The following SLC5A3 variants were observed in gnomAD, a reference collection of about 807,000 sequenced individuals.
SLC5A3 encodes the protein sodium/myo-inositol cotransporter.
Under a neutral mutation model 43.2 loss-of-function variants are expected in SLC5A3, and 10 were observed. The ratio of observed to expected loss-of-function variants is 0.23; its 90% CI spans 0.14 to 0.39. SLC5A3 has a LOEUF of 0.39. Among genes scored for constraint, SLC5A3 ranks in the 10% least tolerant of loss-of-function variants. SLC5A3 has a pLI of 1.00. For synonymous variants in SLC5A3, 349 were observed against 322.0 expected (o/e 1.08, Z -0.90); for missense variants, 608 against 893.4 (o/e 0.68, Z 4.07).
rs1017155772 is a variant in SLC5A3, at chr21:34,096,143, C to T, written c.945C>T (p.Val315=). 27 of 1,613,964 alleles carry T rather than the reference C, an allele frequency of 1.7e-5. No homozygotes were observed. In the Admixed American group the frequency reaches 4.3e-4, roughly 26 times the overall value. The part of the protein sequence containing the change: ...LKLLPMFIIV[V]PGMISRILFT... The stretch of plus-strand genomic sequence containing the variant: ...TCCTGCCAATGTTTATCATAGTTGT[C>T]CCAGGAATGATTTCCAGGATACTGT... Residue 315 remains valine (V), a synonymous_variant, in exon 2 of 2, where the codon GTC becomes GTT. Transcript: ENST00000381151. This position sits in a 1 kb window ranked among gnomAD's most constrained non-coding sequence, Gnocchi z 5.9.
chr21:34,104,260 C>A lies in SLC5A3; in HGVS notation c.*6905C>A. The A allele has an allele frequency of 1.0e-6, 1 of 1,000,090 alleles. No homozygotes were observed. Among genetic ancestry groups the A allele is most frequent in the Non-Finnish European group, 1.2e-6 (1 of 829,890 alleles). 62.0% of individuals were successfully genotyped at this position (1,000,090 alleles called of 1,614,324 possible). On this transcript the variant is annotated 3_prime_UTR_variant, in exon 2 of 2. Transcript: ENST00000381151. Reference sequence around the variant, plus strand: ...TTTTCACAATGGGGTGGAGAGGATTCTTTCACTTGTCCCATTAACCCTCTT... The same window carrying A: ...TTTTCACAATGGGGTGGAGAGGATTATTTCACTTGTCCCATTAACCCTCTT...
Position 34,105,809 on chromosome 21 carries a change from G to GA in SLC5A3, c.*8457dup. The GA allele has an allele frequency of 5.0e-6, 5 of 996,722 alleles. No homozygotes were observed. The highest frequency in any genetic ancestry group is 6.0e-6 in the Non-Finnish European group (5 of 826,962). 61.7% of individuals were successfully genotyped at this position (996,722 alleles called of 1,614,324 possible). On this transcript the variant is annotated 3_prime_UTR_variant, in exon 2 of 2. Transcript: ENST00000381151. Reference sequence around the variant, plus strand: ...TTGTACAGTGTTTTAGTTGCAAGCAGAAAGTAGAATTTGGTATAAAGCAGG... The same window carrying GA: ...TTGTACAGTGTTTTAGTTGCAAGCAGAAAAGTAGAATTTGGTATAAAGCAGG...
At position 34,104,648 on chromosome 21, in the gene SLC5A3, A is replaced by G. The variant is rs1297899605; in HGVS notation, c.*7293A>G. 2.0e-6 allele frequency: 2 copies of G among 1,000,192 alleles called. No homozygotes were observed. The highest frequency in any genetic ancestry group is 1.7e-5 in the African/African-American group (1 of 57,246). 62.0% of individuals were successfully genotyped at this position (1,000,192 alleles called of 1,614,324 possible). A position where few individuals can be genotyped will look rare whatever the true frequency, so the allele number is the denominator to read the frequency against. ...TATTCTTGCCAGCAAAAAGCTAGCC[A>G]GGAATGAGCCTACCACATTATTTGA... On this transcript the variant is annotated 3_prime_UTR_variant, in exon 2 of 2. Transcript: ENST00000381151.
At chr21:34,074,716 A>G (rs911975194) in intron 1 of SLC5A3, among the ~76,000 whole-genome samples, 6 of 152,212 alleles carry the variant, frequency 3.9e-5, no homozygotes, top group Admixed American at 3.3e-4. Context: ...AAATCATTGT[A>G]CCACGTCCGA....
chr21:34,105,012 C>G lies in SLC5A3; in HGVS notation c.*7657C>G. 1.0e-6 allele frequency: 1 copy of G among 1,000,120 alleles called. No individual in the cohort carries two copies. Among genetic ancestry groups the G allele is most frequent in the Non-Finnish European group, 1.2e-6 (1 of 829,882 alleles). The allele number at this position is 1,000,120 out of a possible 1,614,324, so 62.0% of individuals were successfully genotyped here. On this transcript the variant is annotated 3_prime_UTR_variant, in exon 2 of 2. Coordinates refer to ENST00000381151, the MANE Select transcript of SLC5A3 (RefSeq NM_006933.7). ...GTTTTCTAATTTCACTGTGAGATCT[C>G]TAACTTTTGAGTGGCAAACAGATCA...
In SLC5A3 at chr21:34,096,788, C is replaced by A; in HGVS notation, c.1590C>A (p.Ser530Arg). Reference sequence around the variant, plus strand: ...CGGGACTCATTACTGTAATTGTGAGCCTTCTCACACCACCTCCCACAAAGG... The same window carrying A: ...CGGGACTCATTACTGTAATTGTGAGACTTCTCACACCACCTCCCACAAAGG... Reference protein sequence around the residue: ...WVTGLITVIVSLLTPPPTKEQ... With the variant: ...WVTGLITVIVRLLTPPPTKEQ... The change falls in exon 2 of 2, where the codon AGC becomes AGA. Residue 530 changes from serine to arginine, a missense_variant. Coordinates refer to ENST00000381151, the MANE Select transcript of SLC5A3 (RefSeq NM_006933.7). This position sits in a 1 kb window ranked among gnomAD's most constrained non-coding sequence, Gnocchi z 5.9. The A allele has an allele frequency of 1.2e-6, 2 of 1,613,960 alleles. No homozygotes were observed. The highest frequency in any genetic ancestry group is 1.7e-6 in the Non-Finnish European group (2 of 1,179,914).
rs1979403780 is a variant in SLC5A3 at position 34,104,791 on chromosome 21, A to C, written c.*7436A>C. 3 of 1,000,242 alleles carry C rather than the reference A, an allele frequency of 3.0e-6. No individual in the cohort carries two copies. Among genetic ancestry groups the C allele is most frequent in the Non-Finnish European group, 3.6e-6 (3 of 829,962 alleles). 62.0% of individuals were successfully genotyped at this position (1,000,242 alleles called of 1,614,324 possible). A position where few individuals can be genotyped will look rare whatever the true frequency, so the allele number is the denominator to read the frequency against. On this transcript the variant is annotated 3_prime_UTR_variant, in exon 2 of 2. Coordinates refer to ENST00000381151, the MANE Select transcript of SLC5A3 (RefSeq NM_006933.7). ...CATGTGATAATGCAAAGCTGTTATAACCTGTTAATCCTACGTACTATGTGT... is the reference window on the plus strand; with the variant it reads ...CATGTGATAATGCAAAGCTGTTATACCCTGTTAATCCTACGTACTATGTGT...
At chr21:34,090,367 TGAGTC>T (rs1259999058) in intron 1 of SLC5A3, among the ~76,000 whole-genome samples, 1 of 152,190 alleles carries the variant, frequency 6.6e-6, no homozygotes, top group Admixed American at 6.5e-5. Context: ...TCCTAGAACT[TGAGTC>T]AAGGTGACAA....
intron 1 of SLC5A3, among the ~76,000 whole-genome samples, chr21:34,078,426 C>G (rs1339380837): frequency 1.3e-5 from 2 of 152,080 alleles, no homozygotes; most frequent in African/African-American, 4.8e-5. Context: ...CCTTCCTCAC[C>G]AGATATGGTT....
chr21:34,097,187 C>T lies in SLC5A3; in HGVS notation c.1989C>T (p.Gly663=). The change falls in exon 2 of 2, where the codon GGC becomes GGT. Residue 663 remains glycine, a synonymous_variant. Transcript: ENST00000381151. ...GGAAGTTCATAGACTGGTTTTGTGGCTTTAAAAGTAAGAGCCTCAGCAAGA... is the reference window on the plus strand; with the variant it reads ...GGAAGTTCATAGACTGGTTTTGTGGTTTTAAAAGTAAGAGCCTCAGCAAGA... ...RYWKFIDWFC[G]FKSKSLSKRS... 6.2e-7 allele frequency: 1 copy of T among 1,614,026 alleles called. No individual in the cohort carries two copies. Among genetic ancestry groups the T allele is most frequent in the Non-Finnish European group, 8.5e-7 (1 of 1,179,952 alleles).
chr21:34,099,649 A>G lies in SLC5A3; in HGVS notation c.*2294A>G. 1.0e-6 allele frequency: 1 copy of G among 997,682 alleles called. No homozygotes were observed. Among genetic ancestry groups the G allele is most frequent in the Non-Finnish European group, 1.2e-6 (1 of 829,376 alleles). 61.8% of individuals were successfully genotyped at this position (997,682 alleles called of 1,614,324 possible). On this transcript the variant is annotated 3_prime_UTR_variant, in exon 2 of 2. Transcript: ENST00000381151. ...TTAACATTGAGTCCTAGTAGTTTGG[A>G]GAATTAGGGTCCCTCTACCTTCTTT... is the stretch of plus-strand genomic sequence containing the variant.
Position 34,095,994 on chromosome 21 carries a change from C to T in SLC5A3, c.796C>T (p.Leu266Phe). The change falls in exon 2 of 2, where the codon CTT (leucine) becomes TTT (phenylalanine). Residue 266 changes from leucine (L) to phenylalanine (F), a missense_variant. Leu to Phe is a conservative substitution (Grantham distance 22). This residue lies in a region of SLC5A3 where 398 missense variants were observed against 668.6 expected (regional missense o/e 0.60). Coordinates refer to ENST00000381151, the MANE Select transcript of SLC5A3 (RefSeq NM_006933.7). ...AGATGTTCCTTGGCCTGGATTCATT[C>T]TTGGGCAGACCCCAGCTTCAGTATG... Reference protein sequence around the residue: ...DEDVPWPGFILGQTPASVWYW... With the variant: ...DEDVPWPGFIFGQTPASVWYW... 1 of 1,614,126 alleles carries T rather than the reference C, an allele frequency of 6.2e-7. No individual in the cohort carries two copies. Among genetic ancestry groups the T allele is most frequent in the Non-Finnish European group, 8.5e-7 (1 of 1,180,022 alleles).
rs1475277415 is a variant in SLC5A3 at position 34,100,161 on chromosome 21, G to A, written c.*2806G>A. The A allele has an allele frequency of 1.2e-5, 12 of 999,800 alleles. No individual in the cohort carries two copies. The highest frequency in any genetic ancestry group is 1.3e-5 in the Non-Finnish European group (11 of 829,702). 61.9% of individuals were successfully genotyped at this position (999,800 alleles called of 1,614,324 possible). A position where few individuals can be genotyped will look rare whatever the true frequency, so the allele number is the denominator to read the frequency against. On this transcript the variant is annotated 3_prime_UTR_variant, in exon 2 of 2. Coordinates refer to ENST00000381151, the MANE Select transcript of SLC5A3 (RefSeq NM_006933.7). Reference sequence around the variant, plus strand: ...TAGCTAAAAGTCAAAATGAGGTGAGGACACTGGTCTTGGAAGGTAGAGAAA... The same window carrying A: ...TAGCTAAAAGTCAAAATGAGGTGAGAACACTGGTCTTGGAAGGTAGAGAAA...
At position 34,101,315 on chromosome 21, in the gene SLC5A3, A is replaced by C. The variant is rs1392192926; in HGVS notation, c.*3960A>C. ...ATATAAATCAGGGCACCAATAAATA[A>C]GTTTCAGCTTTTTAAACCCTGGTTT... On this transcript the variant is annotated 3_prime_UTR_variant, in exon 2 of 2. Transcript: ENST00000381151. 2.0e-6 allele frequency: 2 copies of C among 1,000,120 alleles called. No individual in the cohort carries two copies. The highest frequency in any genetic ancestry group is 3.5e-5 in the African/African-American group (2 of 57,230). The allele number at this position is 1,000,120 out of a possible 1,614,324, so 62.0% of individuals were successfully genotyped here. A position where few individuals can be genotyped will look rare whatever the true frequency, so the allele number is the denominator to read the frequency against.
rs1456301659 is a variant in SLC5A3, at chr21:34,095,490, A to T, written c.292A>T (p.Ile98Phe). Residue 98 changes from isoleucine to phenylalanine, a missense_variant, in exon 2 of 2, where the codon ATC becomes TTC. Coordinates refer to ENST00000381151, the MANE Select transcript of SLC5A3 (RefSeq NM_006933.7). ...TTTACAACTTCTGGGATGGGTTTTC[A>T]TCCCAATTTACATCCGGTCAGGGGT... is the stretch of plus-strand genomic sequence containing the variant. ...LLLQLLGWVFIPIYIRSGVYT... is the reference protein window; with the variant it reads ...LLLQLLGWVFFPIYIRSGVYT... The T allele has an allele frequency of 6.2e-7, 1 of 1,614,032 alleles. No homozygotes were observed.
At chr21:34,079,852 C>G (rs566608156) in intron 1 of SLC5A3, among the ~76,000 whole-genome samples, 1 of 152,122 alleles carries the variant, frequency 6.6e-6, no homozygotes, top group African/African-American at 2.4e-5. Context: ...CTGGGTATCC[C>G]CTTGGCACTG....
In SLC5A3 at chr21:34,096,226, G is replaced by T; in HGVS notation, c.1028G>T (p.Arg343Ile). Residue 343 changes from arginine (R) to isoleucine (I), a missense_variant, in exon 2 of 2, where the codon AGA becomes ATA. Physicochemically the swap from Arg to Ile is moderately conservative, Grantham distance 97. Coordinates refer to ENST00000381151, the MANE Select transcript of SLC5A3 (RefSeq NM_006933.7). The surrounding 1 kb of genome is among the most constrained non-coding windows in gnomAD (Gnocchi z 5.9). ...CACTGCATGCTGGTGTGTGGAAGCA[G>T]AGCTGGTTGCTCCAATATTGCTTAC... is the stretch of plus-strand genomic sequence containing the variant. ...PEHCMLVCGS[R>I]AGCSNIAYPR... 1 of 1,614,192 alleles carries T rather than the reference G, an allele frequency of 6.2e-7. No individual in the cohort carries two copies. The highest frequency in any genetic ancestry group is 8.5e-7 in the Non-Finnish European group (1 of 1,180,024).
chr21:34,073,769 G>T (rs371406350), intron 1 of SLC5A3, 24 bp downstream of exon 1: 36 of 1,476,432 alleles, frequency 2.4e-5, no homozygotes, highest in Non-Finnish European at 3.2e-5. Flanking sequence ...CCTCAGAGCC[G>T]GTCTTCCCGC....
At position 34,099,036 on chromosome 21, in the gene SLC5A3, T is replaced by C; in HGVS notation, c.*1681T>C. On this transcript the variant is annotated 3_prime_UTR_variant, in exon 2 of 2. Transcript: ENST00000381151. ...AGTCTATAAACTAGTTTCATTATGA[T>C]GGACTTGATTAGTCCAAAGTTAATT... 1 of 994,500 alleles carries C rather than the reference T, an allele frequency of 1.0e-6. No homozygotes were observed. The highest frequency in any genetic ancestry group is 1.2e-6 in the Non-Finnish European group (1 of 824,716). The allele number at this position is 994,500 out of a possible 1,614,324, so 61.6% of individuals were successfully genotyped here. A position where few individuals can be genotyped will look rare whatever the true frequency, so the allele number is the denominator to read the frequency against.
Sources: allele counts gnomAD v4.1 joint callset (sites outside exome capture counted in the v4.1 genomes callset), GRCh38; gene constraint gnomAD v4.1.1; regional missense constraint gnomAD v4.1.1; non-coding constraint Gnocchi (gnomAD v3.1); transcripts MANE v1.5; gene names NCBI Gene and HGNC (gene_info 2026-07-23, HGNC 2026-07-21).